PRXL2A: variants seen among roughly 807,000 people sequenced by gnomAD.
PRXL2A encodes peroxiredoxin-like 2A.
A neutral mutation model predicts 25.6 loss-of-function variants in PRXL2A; 26 were observed. The observed-to-expected ratio is 1.02, with a 90% CI of 0.74 to 1.41. The LOEUF (loss-of-function observed/expected upper bound fraction) is 1.41. Among genes scored for constraint, PRXL2A ranks in the 40% most tolerant of loss-of-function variants. The pLI is 0.00. For synonymous variants in PRXL2A, 98 were observed against 102.9 expected, an observed-to-expected ratio of 0.95 and a Z score of 0.29; for missense variants, 246 against 273.9, an observed-to-expected ratio of 0.90 and a Z score of 0.72.
chr10:80,414,086 A>G (rs1564688285), intron 1 of PRXL2A, among the ~76,000 whole-genome samples: 1 of 152,206 alleles, frequency 6.6e-6, no homozygotes, highest in Non-Finnish European at 1.5e-5. Flanking sequence ...GGGGATCATT[A>G]GGAACTTCCT....
At position 80,436,472 on chromosome 10, in the gene PRXL2A, C is replaced by G. The variant is rs941733660; in HGVS notation, c.*4373C>G. On this transcript the variant is annotated 3_prime_UTR_variant, in exon 6 of 6. Transcript: ENST00000606162. ...TCCAATATGCAGCCAAGGTTGAAAA[C>G]CACCCTTTAAAAGGCTCGGCATCCA... is the stretch of plus-strand genomic sequence containing the variant. 6.6e-6 allele frequency: 1 copy of G among 152,174 alleles called. No homozygotes were observed. Among genetic ancestry groups the G allele is most frequent in the South Asian group, 2.1e-4 (1 of 4,830 alleles). The allele number at this position is 152,174 out of a possible 1,614,324, so 9.4% of individuals were successfully genotyped here.
rs1343485967 is a variant in PRXL2A at position 80,432,086 on chromosome 10, CAG to C, written c.681_682del (p.Lys229MetfsTer4). ...ATGATCAAACCACAGACTTTGGCCT[CAG>C]AGAAAAAATGATTGTGTGAAACTGC... is the stretch of plus-strand genomic sequence containing the variant. On this transcript the variant is annotated frameshift_variant, in exon 6 of 6. Transcript: ENST00000606162. LOFTEE classifies it high-confidence loss of function. 6.2e-7 allele frequency: 1 copy of C among 1,603,792 alleles called. No homozygotes were observed.
Position 80,427,499 on chromosome 10 carries a change from G to A in PRXL2A, c.576+3G>A, listed in dbSNP as rs1017561358. 1 of 1,613,832 alleles carries A rather than the reference G, an allele frequency of 6.2e-7. No homozygotes were observed. The highest frequency in any genetic ancestry group is 1.7e-5 in the Admixed American group (1 of 60,008). On this transcript the variant is annotated splice_donor_region_variant and intron_variant, in intron 5 of 5. Transcript: ENST00000606162. ...TCGTGGTGGGATCAGGAAAGCAGGT[G>A]AGTTCTTGGTGTTTACTTGTGGTCT...
At chr10:80,409,557 TAATC>T (rs1410492579) in intron 1 of PRXL2A, among the ~76,000 whole-genome samples, 2 of 152,208 alleles carry the variant, frequency 1.3e-5, no homozygotes, top group African/African-American at 4.8e-5. Context: ...AAAAAGAAAA[TAATC>T]AAGATTTGTT....
intron 5 of PRXL2A, among the ~76,000 whole-genome samples, chr10:80,429,102 A>G (rs1325153908): frequency 2.0e-5 from 3 of 150,978 alleles, no homozygotes; most frequent in Admixed American, 6.6e-5. Flanking sequence ...CAGGGTTTCT[A>G]CTCATGATCT....
At chr10:80,411,489 G>A (rs1844475172) in intron 1 of PRXL2A, among the ~76,000 whole-genome samples, 1 of 152,230 alleles carries the variant, frequency 6.6e-6, no homozygotes, top group Non-Finnish European at 1.5e-5. Context: ...CCCTTGGCTG[G>A]CTGCCCAGGA....
At chr10:80,414,552 G>A (rs1024281936) in intron 1 of PRXL2A, among the ~76,000 whole-genome samples, 3 of 152,144 alleles carry the variant, frequency 2.0e-5, no homozygotes, top group East Asian at 1.9e-4. Context: ...CTCCAGGACC[G>A]ACTTCTTTCT....
chr10:80,410,749 T>C (rs1844454148), intron 1 of PRXL2A, among the ~76,000 whole-genome samples: 1 of 152,216 alleles, frequency 6.6e-6, no homozygotes, highest in South Asian at 2.1e-4. Flanking sequence ...CAGTGTCTTC[T>C]GTGGTATTGC....
At chr10:80,413,784 C>G in intron 1 of PRXL2A, 1 of 1,044,782 alleles carries the variant, frequency 9.6e-7, no homozygotes, top group Non-Finnish European at 1.2e-6. Flanking sequence ...AGTCCCGCCT[C>G]CAGCCCTCCC....
intron 5 of PRXL2A, 26 bp from the exon 6 acceptor site, chr10:80,431,959 CT>C: frequency 2.0e-6 from 3 of 1,513,820 alleles, no homozygotes; most frequent in South Asian, 2.3e-5. Context: ...AGGATGAGGA[CT>C]GACATTATCT....
In PRXL2A at chr10:80,426,427, C is replaced by T. The variant is rs1845045421; in HGVS notation, c.411+421C>T. Reference sequence around the variant, plus strand: ...TGTAGGTTAATAAGAGTGTTCTGAGCATGTTTAAGGTAGTGTAGGCTAAGC... The same window carrying T: ...TGTAGGTTAATAAGAGTGTTCTGAGTATGTTTAAGGTAGTGTAGGCTAAGC... On this transcript the variant is annotated intron_variant, in intron 4 of 5. Transcript: ENST00000606162. Among the ~76,000 whole-genome samples the T allele has an allele frequency of 2.0e-5, 3 of 152,130 alleles. No homozygotes were observed. The South Asian group carries it at 6.2e-4, about 32-fold the overall frequency.
At chr10:80,422,583 A>T in intron 3 of PRXL2A, 75 bp downstream of exon 3, 1 of 1,153,366 alleles carries the variant, frequency 8.7e-7, no homozygotes, top group African/African-American at 1.5e-5. Context: ...GCCAGAACCA[A>T]GGGTCGGTAA....
chr10:80,426,492 A>G (rs1389608774), intron 4 of PRXL2A, among the ~76,000 whole-genome samples: 2 of 152,208 alleles, frequency 1.3e-5, no homozygotes, highest in African/African-American at 4.8e-5. Context: ...AATATAAGAT[A>G]TTTCAACTTA....
At chr10:80,412,093 G>A (rs1377593497) in intron 1 of PRXL2A, among the ~76,000 whole-genome samples, 1 of 152,172 alleles carries the variant, frequency 6.6e-6, no homozygotes, top group Admixed American at 6.5e-5. Context: ...GGGTTCCCAT[G>A]GCTTTCTAGA....
chr10:80,419,297 T>TC (rs988149987), intron 1 of PRXL2A, among the ~76,000 whole-genome samples: 2 of 109,474 alleles, frequency 1.8e-5, no homozygotes, highest in Non-Finnish European at 4.1e-5. Context: ...ACTTCCTCTT[T>TC]CTTTTTTTTT....
rs10887869 is a variant in PRXL2A at position 80,434,933 on chromosome 10, A to G, written c.*2834A>G. On this transcript the variant is annotated 3_prime_UTR_variant, in exon 6 of 6. Coordinates refer to ENST00000606162, the MANE Select transcript of PRXL2A (RefSeq NM_032333.5). ...GTATGTCCTCTAAGAAGAGGGAGGGACTGGGTGCCATGGCTCATGCCTATA... is the reference window on the plus strand; with the variant it reads ...GTATGTCCTCTAAGAAGAGGGAGGGGCTGGGTGCCATGGCTCATGCCTATA... 0.64 allele frequency: 97,942 copies of G among 152,160 alleles called. 32,176 individuals are homozygous for G. Among genetic ancestry groups the G allele is most frequent in the East Asian group, 0.93 (4,824 of 5,182 alleles). The allele number at this position is 152,160 out of a possible 1,614,324, so 9.4% of individuals were successfully genotyped here.
intron 3 of PRXL2A, among the ~76,000 whole-genome samples, chr10:80,423,888 A>G (rs1359219938): frequency 1.3e-5 from 2 of 152,210 alleles, no homozygotes; most frequent in African/African-American, 4.8e-5. Context: ...TCTGAAGACT[A>G]TAGGGGAGAA....
In PRXL2A at chr10:80,436,823, C is replaced by T. The variant is rs1845414447; in HGVS notation, c.*4724C>T. The stretch of plus-strand genomic sequence containing the variant: ...GGTTGGAAAGAAATGATCTGACCTA[C>T]CGTGTTTGACTGTCGTAAGATACCC... On this transcript the variant is annotated 3_prime_UTR_variant, in exon 6 of 6. Transcript: ENST00000606162. 6.6e-6 allele frequency: 1 copy of T among 152,252 alleles called. No homozygotes were observed. The highest frequency in any genetic ancestry group is 1.5e-5 in the Non-Finnish European group (1 of 68,076). The allele number at this position is 152,252 out of a possible 1,614,324, so 9.4% of individuals were successfully genotyped here.
intron 1 of PRXL2A, chr10:80,420,156 G>C (rs2131892201): frequency 9.7e-7 from 1 of 1,031,234 alleles, no homozygotes; most frequent in Non-Finnish European, 1.2e-6. Context: ...AGAGCTAGGG[G>C]CTGCAACTTG....
Sources: gnomAD v4.1 joint callset for allele counts (sites outside exome capture counted in the v4.1 genomes callset) on GRCh38, gnomAD v4.1.1 for gene constraint, MANE v1.5 for transcripts, NCBI Gene and HGNC (gene_info 2026-07-23, HGNC 2026-07-21) for gene names.